CCDC144A: variants seen among roughly 807,000 people sequenced by gnomAD.
CCDC144A encodes the protein coiled-coil domain containing 144A.
A neutral mutation model predicts 143.8 loss-of-function variants in CCDC144A; 41 were observed. The ratio of observed to expected loss-of-function variants is 0.29; its 90% CI spans 0.22 to 0.37. The LOEUF (loss-of-function observed/expected upper bound fraction) is 0.37, where lower values mean the gene tolerates loss of function less well. CCDC144A is among the 10% of genes least tolerant of loss of function. CCDC144A has a pLI of 1.00. For synonymous variants in CCDC144A, 242 were observed against 517.9 expected (o/e 0.47, Z 7.23); for missense variants, 637 against 1,488.8 (o/e 0.43, Z 9.41).
chr17:16,669,322 A>G, the CCDC144A span, among the ~76,000 whole-genome samples: 1 of 152,228 alleles, frequency 6.6e-6, no homozygotes, highest in Non-Finnish European at 1.5e-5. Flanking sequence ...CCAAATCACC[A>G]AATACATGAA....
intron 9 of CCDC144A, among the ~76,000 whole-genome samples, chr17:16,729,991 T>TATATATATATATATATATATATAC (rs1491438660): frequency 8.7e-6 from 1 of 114,884 alleles, no homozygotes; most frequent in Admixed American, 8.6e-5. Flanking sequence ...TATATATATA[T>TATATATATATATATATATATATAC]ACACACATAC....
At chr17:16,766,000 G>GC in intron 15 of CCDC144A, 1 of 152,304 alleles carries the variant, frequency 6.6e-6, no homozygotes, top group Admixed American at 6.5e-5. Context: ...CCATGACACA[G>GC]CCTCAGGAAG....
At chr17:16,669,042 G>T in the CCDC144A span, among the ~76,000 whole-genome samples, 1 of 151,978 alleles carries the variant, frequency 6.6e-6, no homozygotes, top group African/African-American at 2.4e-5. Flanking sequence ...TTCCATAGTT[G>T]TTTAACTTTA....
At chr17:16,759,655 A>G (rs1378398347) in intron 12 of CCDC144A, among the ~76,000 whole-genome samples, 1 of 151,666 alleles carries the variant, frequency 6.6e-6, no homozygotes. Flanking sequence ...GCTTCCACTA[A>G]CAGTCTCTTT....
chr17:16,753,548 C>G (rs1174836181), intron 12 of CCDC144A, among the ~76,000 whole-genome samples: 1 of 141,904 alleles, frequency 7.0e-6, no homozygotes, highest in Non-Finnish European at 1.5e-5. Context: ...TTCTTGATGT[C>G]TTTTTATGCT....
upstream of CCDC144A, among the ~76,000 whole-genome samples, chr17:16,686,444 C>A (rs28429386): frequency 6.6e-6 from 1 of 151,952 alleles, no homozygotes; most frequent in Admixed American, 6.6e-5. Context: ...GGAGTTTCCC[C>A]GACTACCATT....
upstream of CCDC144A, among the ~76,000 whole-genome samples, chr17:16,687,684 C>T (rs1489238455): frequency 6.6e-6 from 1 of 152,186 alleles, no homozygotes; most frequent in Admixed American, 6.5e-5. Context: ...TGCAGACCCA[C>T]TGTCAAATCC....
chr17:16,740,810 G>A (rs1187803909), intron 12 of CCDC144A, among the ~76,000 whole-genome samples: 1 of 152,182 alleles, frequency 6.6e-6, no homozygotes, highest in Admixed American at 6.5e-5. Flanking sequence ...CAGGTACAAT[G>A]TCTGATTTTT....
At chr17:16,747,633 C>T (rs1185036771) in intron 12 of CCDC144A, among the ~76,000 whole-genome samples, 4 of 152,116 alleles carry the variant, frequency 2.6e-5, no homozygotes, top group Non-Finnish European at 5.9e-5. Flanking sequence ...TCCTTGTAAC[C>T]ACCTTTCATC....
intron 12 of CCDC144A, among the ~76,000 whole-genome samples, chr17:16,759,086 T>G (rs898153545): frequency 3.6e-4 from 55 of 152,178 alleles, no homozygotes; most frequent in African/African-American, 1.3e-3. Flanking sequence ...CCTTCAGACT[T>G]TCTCCTGGCA....
At position 16,777,044 on chromosome 17, in the gene CCDC144A, C is replaced by T. The variant is rs1445332740; in HGVS notation, c.*3411C>T. On this transcript the variant is annotated 3_prime_UTR_variant, in exon 17 of 17. Coordinates refer to ENST00000399273, the MANE Select transcript of CCDC144A (RefSeq NM_001382000.1). ...TTCGTCTAAATGGACACATCAAAAG[C>T]GAGCAGGAGTAGCTGTTCTTATATC... 8.6e-5 allele frequency: 12 copies of T among 139,508 alleles called. No individual in the cohort carries two copies. Among genetic ancestry groups the T allele is most frequent in the Admixed American group, 2.2e-4 (3 of 13,500 alleles). 8.6% of individuals were successfully genotyped at this position (139,508 alleles called of 1,614,324 possible).
chr17:16,746,101 C>T, intron 12 of CCDC144A: 12 of 1,599,220 alleles, frequency 7.5e-6, no homozygotes, highest in Admixed American at 1.7e-5. Context: ...CTGGCTTTTA[C>T]GACTGCACCG....
intron 6 of CCDC144A, 116 bp from the exon 7 acceptor site, chr17:16,720,082 G>A: frequency 7.7e-7 from 1 of 1,295,996 alleles, no homozygotes; most frequent in South Asian, 1.5e-5. Context: ...CTATACACTT[G>A]ATGAATAGAA....
chr17:16,707,895 G>A (rs1219659650), intron 4 of CCDC144A, among the ~76,000 whole-genome samples: 1 of 152,190 alleles, frequency 6.6e-6, no homozygotes, highest in Non-Finnish European at 1.5e-5. Context: ...GATGGCCACT[G>A]AGTTGGATTC....
chr17:16,686,989 T>C (rs557693366), upstream of CCDC144A, among the ~76,000 whole-genome samples: 1 of 152,238 alleles, frequency 6.6e-6, no homozygotes, highest in Admixed American at 6.5e-5. Context: ...GTAGGGTTTT[T>C]AGGTCTGTTT....
chr17:16,744,946 G>A (rs1199196200), intron 12 of CCDC144A, among the ~76,000 whole-genome samples: 1 of 152,190 alleles, frequency 6.6e-6, no homozygotes, highest in African/African-American at 2.4e-5. Context: ...CAAAATTTCT[G>A]TTATTTGGGC....
At chr17:16,715,768 A>C (rs1297369075) in intron 6 of CCDC144A, among the ~76,000 whole-genome samples, 1 of 152,232 alleles carries the variant, frequency 6.6e-6, no homozygotes, top group Admixed American at 6.5e-5. Flanking sequence ...GACTTGAAGC[A>C]TTGGCAGACT....
At chr17:16,695,464 G>C (rs1462587935) in intron 2 of CCDC144A, 1 of 151,850 alleles carries the variant, frequency 6.6e-6, no homozygotes, top group African/African-American at 2.4e-5. Context: ...GCTGGGCATG[G>C]TGCCAGGTGC....
upstream of CCDC144A, among the ~76,000 whole-genome samples, chr17:16,684,660 T>TCA (rs1393626030): frequency 4.1e-4 from 53 of 130,766 alleles, no homozygotes; most frequent in African/African-American, 1.4e-3. Context: ...AGACTCCATC[T>TCA]AAAAAAAAAA....
Sources: allele counts gnomAD v4.1 joint callset (sites outside exome capture counted in the v4.1 genomes callset), GRCh38; gene constraint gnomAD v4.1.1; transcripts MANE v1.5; gene names NCBI Gene and HGNC (gene_info 2026-07-23, HGNC 2026-07-21).